The following NPAS3 variants were observed in gnomAD, a reference collection of about 807,000 sequenced individuals.
NPAS3 encodes neuronal PAS domain-containing protein 3.
In NPAS3, 14 loss-of-function variants were observed where a neutral mutation model predicts 73.1. That is an observed-to-expected ratio of 0.19 (90% CI 0.13 to 0.30). NPAS3 has a LOEUF of 0.30. Ranked by LOEUF, NPAS3 falls within the 10% of genes least tolerant of loss-of-function variation. The pLI is 1.00. For synonymous variants in NPAS3, 620 were observed against 541.5 expected (o/e 1.14, Z -2.01); for missense variants, 1,096 against 1,250.0 (o/e 0.88, Z 1.86).
intron 3 of NPAS3, among the ~76,000 whole-genome samples, chr14:33,276,755 G>A (rs2041354478): frequency 6.6e-6 from 1 of 152,042 alleles, no homozygotes; most frequent in African/African-American, 2.4e-5. Context: ...ATTATAAATA[G>A]AAATTATGAT....
At chr14:33,143,671 T>A (rs1261161866) in intron 2 of NPAS3, among the ~76,000 whole-genome samples, 15 of 152,308 alleles carry the variant, frequency 9.8e-5, no homozygotes, top group Non-Finnish European at 2.9e-5. Flanking sequence ...TTCTAAAACA[T>A]GTTTATCACC....
intron 1 of NPAS3, among the ~76,000 whole-genome samples, chr14:33,017,656 A>C (rs2039442776): frequency 1.3e-5 from 2 of 152,176 alleles, no homozygotes; most frequent in South Asian, 4.1e-4. Context: ...TCTAAACTTA[A>C]AGCCTGGCCC....
At chr14:33,641,647 A>G (rs897991539) in intron 5 of NPAS3, among the ~76,000 whole-genome samples, 1 of 148,910 alleles carries the variant, frequency 6.7e-6, no homozygotes, top group Non-Finnish European at 1.5e-5. Flanking sequence ...CTAACCTCCT[A>G]CTCCACATTT....
chr14:33,325,658 A>T (rs1381290606), intron 3 of NPAS3, among the ~76,000 whole-genome samples: 1 of 149,954 alleles, frequency 6.7e-6, no homozygotes, highest in Non-Finnish European at 1.5e-5. Context: ...AAAAAAAAAA[A>T]GTACAGTTAA....
At chr14:33,018,973 A>G (rs536033668) in intron 1 of NPAS3, among the ~76,000 whole-genome samples, 85 of 152,222 alleles carry the variant, frequency 5.6e-4, no homozygotes, top group Non-Finnish European at 1.1e-3. Context: ...GCTACTTGAT[A>G]TGTATCAAAT....
intron 4 of NPAS3, among the ~76,000 whole-genome samples, chr14:33,370,916 G>A (rs1054373543): frequency 6.6e-6 from 1 of 152,122 alleles, no homozygotes; most frequent in Non-Finnish European, 1.5e-5. Flanking sequence ...TTGATATGAG[G>A]TAGGCACTTG....
intron 5 of NPAS3, among the ~76,000 whole-genome samples, chr14:33,617,490 G>A (rs933061508): frequency 1.3e-5 from 2 of 152,166 alleles, no homozygotes; most frequent in Non-Finnish European, 2.9e-5. Context: ...CCAGGATTAA[G>A]ATCTGTGAAG....
In NPAS3 at chr14:33,328,446, C is replaced by CT. The variant is rs58411120; in HGVS notation, c.386-38702dup. ...TTTATCTTTCTTTTCCTTTTCTTTT[C>CT]TTTTTTTTTTTTTTTTTTTTTTTTT... On this transcript the variant is annotated intron_variant, in intron 3 of 11. Coordinates refer to ENST00000356141, the Ensembl canonical transcript of NPAS3. Among the ~76,000 whole-genome samples, 18 of 49,596 alleles carry CT rather than the reference C, an allele frequency of 3.6e-4. 3 individuals carry two copies. The highest frequency in any genetic ancestry group is 1.0e-3 in the South Asian group (1 of 964). The allele number at this position is 49,596 out of a possible 152,430, so 32.5% of individuals were successfully genotyped here.
At chr14:33,366,974 T>A (rs1198248756) in intron 3 of NPAS3, among the ~76,000 whole-genome samples, 1 of 149,760 alleles carries the variant, frequency 6.7e-6, no homozygotes, top group Non-Finnish European at 1.5e-5. Flanking sequence ...ATTTTTTTGA[T>A]GTTTCTAGAA....
chr14:33,455,073 G>A (rs1251892188), intron 4 of NPAS3, among the ~76,000 whole-genome samples: 1 of 152,218 alleles, frequency 6.6e-6, no homozygotes, highest in African/African-American at 2.4e-5. Context: ...ATGATAATCT[G>A]TTATATCCAG....
chr14:33,467,902 G>A (rs974465435), intron 4 of NPAS3, among the ~76,000 whole-genome samples: 1 of 152,124 alleles, frequency 6.6e-6, no homozygotes, highest in African/African-American at 2.4e-5. Flanking sequence ...CAACACGCAC[G>A]TCAGAAGAGA....
intron 6 of NPAS3, among the ~76,000 whole-genome samples, chr14:33,701,972 G>A (rs936383875): frequency 2.0e-5 from 3 of 152,218 alleles, no homozygotes; most frequent in African/African-American, 7.2e-5. Flanking sequence ...TATATAGGAA[G>A]CAAAACTAAA....
intron 1 of NPAS3, among the ~76,000 whole-genome samples, chr14:32,959,902 T>A (rs1293790063): frequency 6.6e-6 from 1 of 152,164 alleles, no homozygotes; most frequent in Non-Finnish European, 1.5e-5. Flanking sequence ...GTAGCTTATG[T>A]CAACTGGCAT....
At chr14:33,382,046 T>G (rs1183307639) in intron 4 of NPAS3, among the ~76,000 whole-genome samples, 1 of 152,118 alleles carries the variant, frequency 6.6e-6, no homozygotes, top group African/African-American at 2.4e-5. Flanking sequence ...TAATAGAATC[T>G]CATGCAGCTA....
At chr14:33,586,990 G>A (rs1001573556) in intron 5 of NPAS3, among the ~76,000 whole-genome samples, 4 of 152,156 alleles carry the variant, frequency 2.6e-5, no homozygotes, top group African/African-American at 7.2e-5. Flanking sequence ...TCCGAGGACC[G>A]GCTCCCCAAA....
chr14:33,112,967 A>C (rs185449175), intron 2 of NPAS3, among the ~76,000 whole-genome samples: 56 of 152,302 alleles, frequency 3.7e-4, no homozygotes, highest in African/African-American at 1.3e-3. Context: ...GTCAAAGATC[A>C]GATAGTTGTA....
chr14:33,688,170 C>T (rs1207351831), intron 6 of NPAS3, among the ~76,000 whole-genome samples: 1 of 152,180 alleles, frequency 6.6e-6, no homozygotes, highest in African/African-American at 2.4e-5. Flanking sequence ...CAAATGATCC[C>T]ATCACCTAGG....
At chr14:33,495,153 C>A (rs2052109139) in intron 4 of NPAS3, among the ~76,000 whole-genome samples, 1 of 152,080 alleles carries the variant, frequency 6.6e-6, no homozygotes, top group South Asian at 2.1e-4. Flanking sequence ...TTAGCTGTAT[C>A]CCAGAGATTC....
At chr14:33,597,063 G>A (rs530522088) in intron 5 of NPAS3, among the ~76,000 whole-genome samples, 64 of 152,334 alleles carry the variant, frequency 4.2e-4, no homozygotes, top group Middle Eastern at 3.4e-3. Context: ...AGGCGGTCTT[G>A]TAAATAGGGC....
Sources: allele counts gnomAD v4.1 joint callset (sites outside exome capture counted in the v4.1 genomes callset), GRCh38; gene constraint gnomAD v4.1.1; transcripts MANE v1.5; gene names NCBI Gene and HGNC (gene_info 2026-07-23, HGNC 2026-07-21).